Variants in BRIP1 observed in about 807,000 individuals in gnomAD.
BRIP1 encodes BRCA1 interacting DNA helicase 1.
BRIP1 carries 88 observed loss-of-function variants against 119.7 expected under a neutral mutation model. That is an observed-to-expected ratio of 0.74 (90% CI 0.62 to 0.88). The LOEUF (loss-of-function observed/expected upper bound fraction) is 0.88. BRIP1 is among the 40% of genes least tolerant of loss of function. The pLI is 0.00. For synonymous variants in BRIP1, 443 were observed against 496.5 expected (o/e 0.89, Z 1.43); for missense variants, 1,259 against 1,455.4 (o/e 0.87, Z 2.20).
chr17:61,826,606 G>A (rs2078410633), intron 6 of BRIP1, among the ~76,000 whole-genome samples: 1 of 151,888 alleles, frequency 6.6e-6, no homozygotes, highest in Admixed American at 6.6e-5. Context: ...TTCAAAAGAA[G>A]ATATATATGC....
Position 61,760,116 on chromosome 17 carries a change from T to C in BRIP1, c.2098-15525A>G, listed in dbSNP as rs1422901159. On this transcript the variant is annotated intron_variant, in intron 14 of 19. Coordinates refer to ENST00000259008, the MANE Select transcript of BRIP1 (RefSeq NM_032043.3). The surrounding 1 kb of genome is among the most constrained non-coding windows in gnomAD (Gnocchi z 4.6). ...TTTGCTGGCCACAATGGTATAAAAC[T>C]AGAAATGAGTAACAGGAAAATTTGG... is the stretch of plus-strand genomic sequence containing the variant. 6.6e-6 allele frequency among the ~76,000 whole-genome samples: 1 copy of C among 151,756 alleles called. No homozygotes were observed. Among genetic ancestry groups the C allele is most frequent in the African/African-American group, 2.4e-5 (1 of 41,346 alleles).
At chr17:61,714,511 C>T (rs896412246) in intron 17 of BRIP1, among the ~76,000 whole-genome samples, 5 of 152,072 alleles carry the variant, frequency 3.3e-5, no homozygotes, top group African/African-American at 1.2e-4. Context: ...TAGGCTATAT[C>T]ATATAGCCTA....
At chr17:61,721,001 C>T (rs966356690) in intron 16 of BRIP1, among the ~76,000 whole-genome samples, 1 of 151,926 alleles carries the variant, frequency 6.6e-6, no homozygotes, top group Non-Finnish European at 1.5e-5. Context: ...GCCACCATGC[C>T]TAGCTAATTT....
At chr17:61,786,834 T>A (rs1312447888) in intron 10 of BRIP1, among the ~76,000 whole-genome samples, 64 of 127,848 alleles carry the variant, frequency 5.0e-4, no homozygotes, top group African/African-American at 1.8e-3. Context: ...ATATTTTATA[T>A]AATATATTTA....
rs993196812 is a variant in BRIP1, at chr17:61,742,480, T to C, written c.2379+533A>G. Among the ~76,000 whole-genome samples, 9 of 152,208 alleles carry C rather than the reference T, an allele frequency of 5.9e-5. No individual in the cohort carries two copies. Among genetic ancestry groups the C allele is most frequent in the African/African-American group, 1.9e-4 (8 of 41,446 alleles). On this transcript the variant is annotated intron_variant, in intron 16 of 19. Coordinates refer to ENST00000259008, the MANE Select transcript of BRIP1 (RefSeq NM_032043.3). The surrounding 1 kb of genome is among the most constrained non-coding windows in gnomAD (Gnocchi z 4.7). Reference sequence around the variant, plus strand: ...ATGCCTTGCTCACTAAGCTTAATCATGTCTCGCCTTTGATTTAAAGTAGGA... The same window carrying C: ...ATGCCTTGCTCACTAAGCTTAATCACGTCTCGCCTTTGATTTAAAGTAGGA...
rs370433322 is a variant in BRIP1 at position 61,834,350 on chromosome 17, C to T, written c.627+12751G>A. ...TTTACAGGGGTTGAGCTCTGTACAA[C>T]ACCTGATTGCAGGAGTGAGCCACCA... On this transcript the variant is annotated intron_variant, in intron 6 of 19. Transcript: ENST00000259008. This position sits in a 1 kb window ranked among gnomAD's most constrained non-coding sequence, Gnocchi z 4.4. 1.1e-4 allele frequency among the ~76,000 whole-genome samples: 16 copies of T among 152,124 alleles called. No homozygotes were observed. The South Asian group carries it at 3.1e-3, about 30-fold the overall frequency.
At position 61,708,851 on chromosome 17, in the gene BRIP1, T is replaced by C. The variant is rs1018610126; in HGVS notation, c.2492+7100A>G. ...GGTGGTCAGTTTCCCTAAAAAGGAATTCTACACGCTTGGTAGATGTAAGAC... is the reference window on the plus strand; with the variant it reads ...GGTGGTCAGTTTCCCTAAAAAGGAACTCTACACGCTTGGTAGATGTAAGAC... On this transcript the variant is annotated intron_variant, in intron 17 of 19. Coordinates refer to ENST00000259008, the MANE Select transcript of BRIP1 (RefSeq NM_032043.3). This position sits in a 1 kb window ranked among gnomAD's most constrained non-coding sequence, Gnocchi z 4.4. Among the ~76,000 whole-genome samples, 1 of 152,132 alleles carries C rather than the reference T, an allele frequency of 6.6e-6. No homozygotes were observed. The highest frequency in any genetic ancestry group is 6.5e-5 in the Admixed American group (1 of 15,276).
In BRIP1 at chr17:61,706,678, C is replaced by T. The variant is rs892730485; in HGVS notation, c.2492+9273G>A. ...GAAGATGTTTATTTCTCTTATACCACTGATACTTCACCATCCCTTCCTGGG... is the reference window on the plus strand; with the variant it reads ...GAAGATGTTTATTTCTCTTATACCATTGATACTTCACCATCCCTTCCTGGG... On this transcript the variant is annotated intron_variant, in intron 17 of 19. Transcript: ENST00000259008. This position sits in a 1 kb window ranked among gnomAD's most constrained non-coding sequence, Gnocchi z 5.7. Among the ~76,000 whole-genome samples, 16 of 152,288 alleles carry T rather than the reference C, an allele frequency of 1.1e-4. No individual in the cohort carries two copies. The highest frequency in any genetic ancestry group is 5.2e-4 in the Admixed American group (8 of 15,298).
rs140581962 is a variant in BRIP1, at chr17:61,804,446, G to GTGTGTGTGTGTGTGTGTA, written c.919-2973_919-2972insTACACACACACACACACA. Among the ~76,000 whole-genome samples the GTGTGTGTGTGTGTGTGTA allele has an allele frequency of 3.6e-5, 5 of 140,692 alleles. No individual in the cohort carries two copies. Among genetic ancestry groups the GTGTGTGTGTGTGTGTGTA allele is most frequent in the African/African-American group, 1.0e-4 (4 of 38,966 alleles). 92.3% of individuals were successfully genotyped at this position (140,692 alleles called of 152,430 possible). A position where few individuals can be genotyped will look rare whatever the true frequency, so the allele number is the denominator to read the frequency against. ...TGTGTGTGTGTGTGTGTGTGTGTGT[G>GTGTGTGTGTGTGTGTGTA]TATGTGTGTGTACATACACATACAT... On this transcript the variant is annotated intron_variant, in intron 7 of 19. Coordinates refer to ENST00000259008, the MANE Select transcript of BRIP1 (RefSeq NM_032043.3). The surrounding 1 kb of genome is among the most constrained non-coding windows in gnomAD (Gnocchi z 4.5).
Position 61,815,417 on chromosome 17 carries a change from A to G in BRIP1, c.628-6660T>C, listed in dbSNP as rs944937818. Among the ~76,000 whole-genome samples the G allele has an allele frequency of 6.6e-6, 1 of 152,146 alleles. No individual in the cohort carries two copies. The highest frequency in any genetic ancestry group is 1.5e-5 in the Non-Finnish European group (1 of 68,002). ...AATTTATATCTGGTTTTTTAACGAA[A>G]ATCAAATGGAAACAACATTTTCTTT... On this transcript the variant is annotated intron_variant, in intron 6 of 19. Coordinates refer to ENST00000259008, the MANE Select transcript of BRIP1 (RefSeq NM_032043.3). The surrounding 1 kb of genome is among the most constrained non-coding windows in gnomAD (Gnocchi z 4.1).
Position 61,793,053 on chromosome 17 carries a change from GC to G in BRIP1, c.1473+543del. Among the ~76,000 whole-genome samples, 1 of 151,726 alleles carries G rather than the reference GC, an allele frequency of 6.6e-6. No homozygotes were observed. The highest frequency in any genetic ancestry group is 1.9e-4 in the East Asian group (1 of 5,190). ...ATCTATTAATTTAAATAAGTAAATA[GC>G]AACAAAAAAAGAAAATATATTCTTA... On this transcript the variant is annotated intron_variant, in intron 10 of 19. Coordinates refer to ENST00000259008, the MANE Select transcript of BRIP1 (RefSeq NM_032043.3). The surrounding 1 kb of genome is among the most constrained non-coding windows in gnomAD (Gnocchi z 5.2).
Position 61,799,296 on chromosome 17 carries a change from C to T in BRIP1, c.1144G>A (p.Asp382Asn), listed in dbSNP as rs1452168198. The part of the protein sequence containing the change: ...LLDAQIRESM[D>N]LNLKEQVVIL... ...ACAACCTGTTCTTTCAGATTTAAAT[C>T]CATCTATAAGATAAAAGAATTTTCT... Residue 382 changes from aspartate to asparagine, a missense_variant, in exon 9 of 20, where the codon GAT becomes AAT. Coordinates refer to ENST00000259008, the MANE Select transcript of BRIP1 (RefSeq NM_032043.3). This position sits in a 1 kb window ranked among gnomAD's most constrained non-coding sequence, Gnocchi z 5.1. 1.2e-6 allele frequency: 2 copies of T among 1,609,594 alleles called. No individual in the cohort carries two copies. Among genetic ancestry groups the T allele is most frequent in the Admixed American group, 1.7e-5 (1 of 59,800 alleles).
In BRIP1 at chr17:61,690,067, T is replaced by C. The variant is rs1431862091; in HGVS notation, c.2575+3363A>G. On this transcript the variant is annotated intron_variant, in intron 18 of 19. Transcript: ENST00000259008. This position sits in a 1 kb window ranked among gnomAD's most constrained non-coding sequence, Gnocchi z 5.6. ...GCTGTAAGGAAGTGGGATGACATGTTTGAAGTGCTGAAAGAAAAAAACCTG... is the reference window on the plus strand; with the variant it reads ...GCTGTAAGGAAGTGGGATGACATGTCTGAAGTGCTGAAAGAAAAAAACCTG... Among the ~76,000 whole-genome samples the C allele has an allele frequency of 2.6e-5, 4 of 152,278 alleles. No individual in the cohort carries two copies. In the East Asian group the frequency reaches 7.7e-4, roughly 29 times the overall value.
chr17:61,702,592 A>G (rs1447587570), intron 17 of BRIP1, among the ~76,000 whole-genome samples: 1 of 152,196 alleles, frequency 6.6e-6, no homozygotes, highest in Non-Finnish European at 1.5e-5. Flanking sequence ...TTCATTTAGA[A>G]TAATGGCTTC....
chr17:61,719,203 TA>T (rs2061932824), intron 16 of BRIP1, among the ~76,000 whole-genome samples: 1 of 144,304 alleles, frequency 6.9e-6, no homozygotes, highest in Non-Finnish European at 1.5e-5. Flanking sequence ...ATTGCAGCAC[TA>T]TTCTCAATAA....
rs2077001205 is a variant in BRIP1 at position 61,742,648 on chromosome 17, A to G, written c.2379+365T>C. ...GGGAAGGGTAGTCAGTGGAGCAGTT[A>G]GAATACATACATCACTTATGAATTA... On this transcript the variant is annotated intron_variant, in intron 16 of 19. Coordinates refer to ENST00000259008, the MANE Select transcript of BRIP1 (RefSeq NM_032043.3). This position sits in a 1 kb window ranked among gnomAD's most constrained non-coding sequence, Gnocchi z 4.7. 6.6e-6 allele frequency among the ~76,000 whole-genome samples: 1 copy of G among 152,242 alleles called. No homozygotes were observed. Among genetic ancestry groups the G allele is most frequent in the Non-Finnish European group, 1.5e-5 (1 of 68,044 alleles).
chr17:61,776,158 A>T lies in BRIP1; in HGVS notation c.2097+243T>A, dbSNP rs927496738. 2 of 470,494 alleles carry T rather than the reference A, an allele frequency of 4.3e-6. No homozygotes were observed. Among genetic ancestry groups the T allele is most frequent in the African/African-American group, 3.9e-5 (2 of 50,802 alleles). 29.1% of individuals were successfully genotyped at this position (470,494 alleles called of 1,614,324 possible). On this transcript the variant is annotated intron_variant, in intron 14 of 19. Coordinates refer to ENST00000259008, the MANE Select transcript of BRIP1 (RefSeq NM_032043.3). The surrounding 1 kb of genome is among the most constrained non-coding windows in gnomAD (Gnocchi z 5.0). ...CAGCCTCCCAACCTGCTGGGATTAC[A>T]AGCATGAGCCACCACGTCCAGCCTT...
rs45512093 is a variant in BRIP1 at position 61,861,530 on chromosome 17, T to A, written c.10A>T (p.Met4Leu). Residue 4 changes from methionine (M) to leucine (L), a missense_variant, in exon 2 of 20, where the codon ATG becomes TTG. Met to Leu is a conservative substitution (Grantham distance 15). Transcript: ENST00000259008. This position sits in a 1 kb window ranked among gnomAD's most constrained non-coding sequence, Gnocchi z 4.5. Reference protein sequence around the residue: MSSMWSEYTIGGVK... With the variant: MSSLWSEYTIGGVK... The stretch of plus-strand genomic sequence containing the variant: ...CCACCAATTGTATATTCAGACCACA[T>A]TGAAGACATAGTGCTTTCCTGTTTA... 1.9e-6 allele frequency: 3 copies of A among 1,610,530 alleles called. No homozygotes were observed. Among genetic ancestry groups the A allele is most frequent in the African/African-American group, 1.3e-5 (1 of 74,954 alleles).
intron 6 of BRIP1, among the ~76,000 whole-genome samples, chr17:61,840,255 G>A (rs992681639): frequency 7.3e-5 from 11 of 151,114 alleles, no homozygotes. Flanking sequence ...CTACTCAAGA[G>A]GCTGATTTAG....
Sources: gnomAD v4.1 joint callset for allele counts (sites outside exome capture counted in the v4.1 genomes callset) on GRCh38, gnomAD v4.1.1 for gene constraint, Gnocchi (gnomAD v3.1) non-coding constraint, MANE v1.5 for transcripts, NCBI Gene and HGNC (gene_info 2026-07-23, HGNC 2026-07-21) for gene names.